The following FANCM variants were observed in gnomAD, a reference collection of about 807,000 sequenced individuals.
FANCM encodes Fanconi anemia group M protein.
Under a neutral mutation model 199.5 loss-of-function variants are expected in FANCM, and 140 were observed. The observed-to-expected ratio is 0.70, with a 90% CI of 0.61 to 0.81. The LOEUF (loss-of-function observed/expected upper bound fraction) is 0.81, where lower values mean the gene tolerates loss of function less well. Ranked by LOEUF, FANCM falls within the 30% of genes least tolerant of loss-of-function variation. FANCM has a pLI of 0.00. For missense variants in FANCM, 2,410 were observed against 2,421.4 expected, an observed-to-expected ratio of 1.00 and a Z score of 0.10; for synonymous variants, 840 against 836.8, an observed-to-expected ratio of 1.00 and a Z score of -0.07.
In FANCM at chr14:45,175,462, C is replaced by G. The variant is rs1363476968; in HGVS notation, c.2708C>G (p.Thr903Arg). The G allele has an allele frequency of 6.2e-7, 1 of 1,607,308 alleles. No individual in the cohort carries two copies. Among genetic ancestry groups the G allele is most frequent in the Non-Finnish European group, 8.5e-7 (1 of 1,176,918 alleles). The change falls in exon 14 of 23, where the codon ACA becomes AGA. Residue 903 changes from threonine to arginine, a missense_variant. Physicochemically the swap from Thr to Arg is moderately conservative, Grantham distance 71. Coordinates refer to ENST00000267430, the MANE Select transcript of FANCM (RefSeq NM_020937.4). ...CCAAATGATAAAAGGACATCAGATA[C>G]AGATGAAATTGCTGCCACATGTACT... Reference protein sequence around the residue: ...DLPNDKRTSDTDEIAATCTIN... With the variant: ...DLPNDKRTSDRDEIAATCTIN...
Position 45,198,759 on chromosome 14 carries a change from G to T in FANCM, c.5832G>T (p.Leu1944Phe), listed in dbSNP as rs201017015. 1.2e-4 allele frequency: 187 copies of T among 1,613,862 alleles called. No homozygotes were observed. The highest frequency in any genetic ancestry group is 2.0e-4 in the Admixed American group (12 of 59,990). Residue 1944 changes from leucine to phenylalanine, a missense_variant, in exon 22 of 23, where the codon TTG becomes TTT. Leu to Phe is a conservative substitution (Grantham distance 22). Transcript: ENST00000267430. Reference sequence around the variant, plus strand: ...CCTGCCAAGAAGAAACCGCAGATTTGCTAAAGGAACTGTCTTTAGTGGAAC... The same window carrying T: ...CCTGCCAAGAAGAAACCGCAGATTTTCTAAAGGAACTGTCTTTAGTGGAAC... Reference protein sequence around the residue: ...FSSCQEETADLLKELSLVEQR... With the variant: ...FSSCQEETADFLKELSLVEQR...
intron 14 of FANCM, among the ~76,000 whole-genome samples, chr14:45,179,353 G>A (rs1407168017): frequency 2.0e-5 from 3 of 151,810 alleles, no homozygotes; most frequent in Non-Finnish European, 4.4e-5. Context: ...CTGTTCTCTG[G>A]GTTTGATCTT....
chr14:45,143,454 T>A (rs1179788091), intron 3 of FANCM, among the ~76,000 whole-genome samples: 6 of 152,014 alleles, frequency 3.9e-5, no homozygotes, highest in Admixed American at 3.9e-4. Context: ...GTGCTGGGAT[T>A]ATTGGCATGA....
At chr14:45,173,492 T>G (rs968922964) in intron 13 of FANCM, among the ~76,000 whole-genome samples, 1 of 152,224 alleles carries the variant, frequency 6.6e-6, no homozygotes, top group African/African-American at 2.4e-5. Context: ...TCTTTTGGAT[T>G]CGGATTTATT....
intron 11 of FANCM, among the ~76,000 whole-genome samples, chr14:45,169,013 C>A (rs931089786): frequency 6.6e-6 from 1 of 151,816 alleles, no homozygotes; most frequent in East Asian, 1.9e-4. Context: ...CCTCTACCTC[C>A]CAGGTTCAAG....
At chr14:45,136,626 T>TA (rs946815449) in intron 1 of FANCM, 87 bp downstream of exon 1, 20 of 1,281,016 alleles carry the variant, frequency 1.6e-5, no homozygotes, top group South Asian at 3.6e-5. Flanking sequence ...ATGTGCATCT[T>TA]ACGCCCTCCC....
intron 16 of FANCM, among the ~76,000 whole-genome samples, 159 bp downstream of exon 16, chr14:45,181,864 C>T (rs1243373678): frequency 1.3e-5 from 2 of 152,056 alleles, no homozygotes; most frequent in African/African-American, 4.8e-5. Context: ...TGTTAGTTTT[C>T]AAAGATGTAT....
intron 14 of FANCM, 129 bp downstream of exon 14, chr14:45,177,105 G>A (rs1421484531): frequency 3.2e-6 from 2 of 633,224 alleles, no homozygotes; most frequent in Non-Finnish European, 5.6e-6. Context: ...GATAATTGAT[G>A]TGTTATATTT....
chr14:45,148,848 A>G lies in FANCM; in HGVS notation c.771A>G (p.Gln257=). The G allele has an allele frequency of 1.2e-6, 2 of 1,608,320 alleles. No individual in the cohort carries two copies. Among genetic ancestry groups the G allele is most frequent in the South Asian group, 2.2e-5 (2 of 90,954 alleles). The stretch of plus-strand genomic sequence containing the variant: ...TTGATTTCATATAGGCTGTGCAACA[A>G]GTTATTACTAACCTGCTAATTGGGC... The part of the protein sequence containing the change: ...TPGSDIKAVQ[Q]VITNLLIGQI... The change falls in exon 4 of 23, where the codon CAA becomes CAG. Residue 257 remains glutamine, a synonymous_variant. Transcript: ENST00000267430.
chr14:45,152,032 CTTTTTT>C (rs200837764), intron 5 of FANCM, among the ~76,000 whole-genome samples: 1 of 137,514 alleles, frequency 7.3e-6, no homozygotes, highest in African/African-American at 2.7e-5. Flanking sequence ...TTAACTTTTT[CTTTTTT>C]TTTTTTTTGA....
At chr14:45,150,795 G>C (rs760602528) in intron 4 of FANCM, among the ~76,000 whole-genome samples, 1 of 151,878 alleles carries the variant, frequency 6.6e-6, no homozygotes, top group African/African-American at 2.4e-5. Context: ...TTCTTTGTTC[G>C]CTTCTTTATT....
In FANCM at chr14:45,164,511, C is replaced by T. The variant is rs779604821; in HGVS notation, c.1734C>T (p.Gly578=). The change falls in exon 10 of 23, where the codon GGC becomes GGT. Residue 578 remains glycine (G), a synonymous_variant. Coordinates refer to ENST00000267430, the MANE Select transcript of FANCM (RefSeq NM_020937.4). ...TTGTACAACGAATGGGTAGAACTGG[C>T]CGTAAACGTCAAGGCAGGATAGTTA... ...IRLVQRMGRT[G]RKRQGRIVII... 3 of 1,613,426 alleles carry T rather than the reference C, an allele frequency of 1.9e-6. No homozygotes were observed. The highest frequency in any genetic ancestry group is 2.7e-5 in the African/African-American group (2 of 74,884).
intron 8 of FANCM, among the ~76,000 whole-genome samples, chr14:45,157,947 A>G (rs1333974810): frequency 1.3e-5 from 2 of 152,210 alleles, no homozygotes; most frequent in Admixed American, 1.3e-4. Context: ...CTGTAATCCC[A>G]GCACTTTGGG....
Position 45,185,192 on chromosome 14 carries a change from A to T in FANCM, c.4516-25A>T, listed in dbSNP as rs772904079. The T allele has an allele frequency of 3.4e-6, 5 of 1,474,366 alleles. No homozygotes were observed. In the Admixed American group the frequency reaches 6.9e-5, roughly 20 times the overall value. 91.3% of individuals were successfully genotyped at this position (1,474,366 alleles called of 1,614,324 possible). On this transcript the variant is annotated intron_variant, in intron 17 of 22. Coordinates refer to ENST00000267430, the MANE Select transcript of FANCM (RefSeq NM_020937.4). ...AAATTATTTTCTCACTGATATCTTC[A>T]TGTTTTCTAATTTGTCTTACTTAGC...
Position 45,176,974 on chromosome 14 carries a change from A to G in FANCM, c.4220A>G (p.Glu1407Gly), listed in dbSNP as rs946759727. ...CTGCATAAATCCTGTCATTCTGTTG[A>G]AGGTAAGATTCCATCTTTATAAAGT... ...MYLHKSCHSV[E>G]DGQLLTSNES... The change falls in exon 14 of 23, where the codon GAA (glutamate) becomes GGA (glycine). Residue 1407 changes from glutamate (E) to glycine (G), a missense_variant and splice_region_variant. Glu to Gly is a moderately conservative substitution (Grantham distance 98). Transcript: ENST00000267430. 6 of 1,548,604 alleles carry G rather than the reference A, an allele frequency of 3.9e-6. No individual in the cohort carries two copies. The African/African-American group carries it at 8.2e-5, about 21-fold the overall frequency.
At chr14:45,172,272 A>G (rs1240513282) in intron 12 of FANCM, among the ~76,000 whole-genome samples, 2 of 152,060 alleles carry the variant, frequency 1.3e-5, no homozygotes, top group Non-Finnish European at 2.9e-5. Context: ...ATTTAGCCCC[A>G]TCTATCTTTG....
chr14:45,157,551 A>G (rs1345279029), intron 8 of FANCM, among the ~76,000 whole-genome samples: 2 of 152,178 alleles, frequency 1.3e-5, no homozygotes, highest in Non-Finnish European at 2.9e-5. Context: ...GGCAGTATGG[A>G]AGTTATTGAT....
In FANCM at chr14:45,200,730, T is replaced by C. The variant is rs1890309905; in HGVS notation, c.*722T>C. 6.6e-6 allele frequency: 1 copy of C among 152,196 alleles called. No individual in the cohort carries two copies. The highest frequency in any genetic ancestry group is 1.5e-5 in the Non-Finnish European group (1 of 68,034). 9.4% of individuals were successfully genotyped at this position (152,196 alleles called of 1,614,324 possible). ...TAGTGATAGTTCTCAGAGGATCTGA[T>C]GGTTTTATAAGCTTTTCCTCTGTTC... On this transcript the variant is annotated 3_prime_UTR_variant, in exon 23 of 23. Coordinates refer to ENST00000267430, the MANE Select transcript of FANCM (RefSeq NM_020937.4).
intron 4 of FANCM, among the ~76,000 whole-genome samples, chr14:45,149,314 G>A (rs1364047783): frequency 4.6e-5 from 7 of 151,400 alleles, no homozygotes; most frequent in Admixed American, 4.6e-4. Context: ...CACACAAACA[G>A]CAAAAGTAGA....
Sources: allele counts gnomAD v4.1 joint callset (sites outside exome capture counted in the v4.1 genomes callset), GRCh38; gene constraint gnomAD v4.1.1; transcripts MANE v1.5; gene names NCBI Gene and HGNC (gene_info 2026-07-23, HGNC 2026-07-21).